Variants in SLC10A1 observed in about 807,000 individuals in gnomAD.
The protein encoded by SLC10A1 is hepatic sodium/bile acid cotransporter.
SLC10A1 carries 36 observed loss-of-function variants against 20.5 expected under a neutral mutation model. That is an observed-to-expected ratio of 1.75 (90% CI 1.34 to 2.32). The LOEUF (loss-of-function observed/expected upper bound fraction) is 2.32, where lower values mean the gene tolerates loss of function less well. Ranked by LOEUF, SLC10A1 falls within the 30% of genes most tolerant of loss-of-function variation. The pLI, the probability that SLC10A1 is intolerant of heterozygous loss-of-function variation, is 0.00. For missense variants in SLC10A1, 545 were observed against 439.1 expected (o/e 1.24, Z -2.16); for synonymous variants, 188 against 163.6 (o/e 1.15, Z -1.14).
intron 2 of SLC10A1, among the ~76,000 whole-genome samples, chr14:69,779,719 A>G (rs1210951812): frequency 6.6e-6 from 1 of 152,108 alleles, no homozygotes; most frequent in African/African-American, 2.4e-5. Flanking sequence ...GCTGATTAAC[A>G]CTTTGATTAT....
rs147401668 is a variant in SLC10A1 at position 69,796,863 on chromosome 14, C to G, written c.293G>C (p.Cys98Ser). The change falls in exon 1 of 5, where the codon TGC (cysteine) becomes TCC (serine). Residue 98 changes from cysteine to serine, a missense_variant. By Grantham distance (112) the Cys-to-Ser change is moderately radical. Transcript: ENST00000216540. The part of the protein sequence containing the change: ...IEALAILVCG[C>S]SPGGNLSNVF... ...ATTGGACAGGTTCCCTCCAGGTGAGCAGCCACAGACCAAGATGGCCAGTGC... is the reference window on the plus strand; with the variant it reads ...ATTGGACAGGTTCCCTCCAGGTGAGGAGCCACAGACCAAGATGGCCAGTGC... 5.4e-5 allele frequency: 87 copies of G among 1,614,106 alleles called. No individual in the cohort carries two copies. Among genetic ancestry groups the G allele is most frequent in the Non-Finnish European group, 7.2e-5 (85 of 1,180,046 alleles).
intron 1 of SLC10A1, among the ~76,000 whole-genome samples, chr14:69,787,060 T>TA (rs1883734405): frequency 6.6e-6 from 1 of 152,260 alleles, no homozygotes; most frequent in Admixed American, 6.5e-5. Flanking sequence ...CAGTAATAGA[T>TA]ACCCATGTTG....
chr14:69,782,689 TC>T (rs1883621989), intron 2 of SLC10A1, among the ~76,000 whole-genome samples: 1 of 151,846 alleles, frequency 6.6e-6, no homozygotes, highest in South Asian at 2.1e-4. Context: ...GCGCCTGTAG[TC>T]CCAGCTACTC....
intron 1 of SLC10A1, among the ~76,000 whole-genome samples, chr14:69,794,728 A>G (rs770979224): frequency 4.2e-4 from 64 of 152,216 alleles, no homozygotes; most frequent in Non-Finnish European, 7.8e-4. Flanking sequence ...TTTGTTGGGA[A>G]GGAGTTTTAT....
At position 69,786,321 on chromosome 14, in the gene SLC10A1, T is replaced by C; in HGVS notation, c.357-14A>G. On this transcript the variant is annotated splice_polypyrimidine_tract_variant and intron_variant, in intron 1 of 4. Transcript: ENST00000216540. Reference sequence around the variant, plus strand: ...GTCATCACAATGCTGGTGGGAGACATGGGAAGAGGGGAGAGAGAGAGAGCC... The same window carrying C: ...GTCATCACAATGCTGGTGGGAGACACGGGAAGAGGGGAGAGAGAGAGAGCC... 6.2e-7 allele frequency: 1 copy of C among 1,609,624 alleles called. No individual in the cohort carries two copies. Among genetic ancestry groups the C allele is most frequent in the East Asian group, 2.2e-5 (1 of 44,850 alleles).
chr14:69,785,135 C>T (rs1319268110), intron 2 of SLC10A1, among the ~76,000 whole-genome samples: 6 of 151,764 alleles, frequency 4.0e-5, no homozygotes, highest in Admixed American at 3.9e-4. Flanking sequence ...ACCTCCTGGC[C>T]CTGGGGGATG....
chr14:69,794,198 T>C (rs1182950408), intron 1 of SLC10A1, among the ~76,000 whole-genome samples: 1 of 152,226 alleles, frequency 6.6e-6, no homozygotes, highest in African/African-American at 2.4e-5. Context: ...CCCTTTGACA[T>C]GTATTGTTTG....
At chr14:69,795,975 A>C (rs1882379884) in intron 1 of SLC10A1, among the ~76,000 whole-genome samples, 1 of 152,218 alleles carries the variant, frequency 6.6e-6, no homozygotes, top group South Asian at 2.1e-4. Flanking sequence ...CTTTAGCTTC[A>C]GCACAGGCTG....
In SLC10A1 at chr14:69,776,267, C is replaced by A. The variant is rs753457466; in HGVS notation, c.*15G>T. On this transcript the variant is annotated 3_prime_UTR_variant, in exon 5 of 5. Transcript: ENST00000216540. ...AATTGCTTTGGGACCAGAATCCAGG[C>A]CACCAGGGGAAGGGCTAGGCTGTGC... The A allele has an allele frequency of 6.2e-7, 1 of 1,600,512 alleles. No individual in the cohort carries two copies. Among genetic ancestry groups the A allele is most frequent in the South Asian group, 1.1e-5 (1 of 90,344 alleles).
intron 4 of SLC10A1, among the ~76,000 whole-genome samples, chr14:69,776,606 T>TA (rs1883454331): frequency 6.6e-6 from 1 of 152,210 alleles, no homozygotes; most frequent in African/African-American, 2.4e-5. Context: ...CCTAATGAAT[T>TA]AGACTATTGT....
chr14:69,775,984 T>G lies in SLC10A1; in HGVS notation c.*298A>C. The G allele has an allele frequency of 5.7e-6, 2 of 351,642 alleles. No homozygotes were observed. The highest frequency in any genetic ancestry group is 1.0e-5 in the Non-Finnish European group (2 of 192,706). 21.8% of individuals were successfully genotyped at this position (351,642 alleles called of 1,614,324 possible). A position where few individuals can be genotyped will look rare whatever the true frequency, so the allele number is the denominator to read the frequency against. On this transcript the variant is annotated 3_prime_UTR_variant, in exon 5 of 5. Transcript: ENST00000216540. ...CAGGAATTGAGTGACTTTAAGATGC[T>G]TATCAGACACTTTTAGAGATCCCAG... is the stretch of plus-strand genomic sequence containing the variant.
At chr14:69,785,383 A>G (rs72725740) in intron 2 of SLC10A1, among the ~76,000 whole-genome samples, 11,354 of 152,148 alleles carry the variant, frequency 0.075, 604 homozygotes, top group East Asian at 0.16. Context: ...TTCTTGCCAC[A>G]TCAGCCAAAT....
At chr14:69,787,230 C>T (rs893762602) in intron 1 of SLC10A1, among the ~76,000 whole-genome samples, 4 of 152,142 alleles carry the variant, frequency 2.6e-5, no homozygotes, top group African/African-American at 9.7e-5. Context: ...CCTTCCAGCT[C>T]TAATATGTAT....
At chr14:69,780,579 T>A (rs1883567711) in intron 2 of SLC10A1, among the ~76,000 whole-genome samples, 1 of 152,258 alleles carries the variant, frequency 6.6e-6, no homozygotes, top group Non-Finnish European at 1.5e-5. Flanking sequence ...CATAATGTCC[T>A]AACGACATTT....
chr14:69,797,064 A>G lies in SLC10A1; in HGVS notation c.92T>C (p.Leu31Pro), dbSNP rs1216945102. Residue 31 changes from leucine (L) to proline (P), a missense_variant, in exon 1 of 5, where the codon CTG (leucine) becomes CCG (proline). Leu to Pro is a moderately conservative substitution (Grantham distance 98, BLOSUM62 -3). Transcript: ENST00000216540. ...CATGATGAAGAACAACATGAACACC[A>G]GGATGACGCTCAGTGCCAGGTCTGT... ...RPTDLALSVILVFMLFFIMLS... is the reference protein window; with the variant it reads ...RPTDLALSVIPVFMLFFIMLS... 1 of 1,614,036 alleles carries G rather than the reference A, an allele frequency of 6.2e-7. No homozygotes were observed. The highest frequency in any genetic ancestry group is 1.3e-5 in the African/African-American group (1 of 74,932).
intron 3 of SLC10A1, 24 bp downstream of exon 3, chr14:69,779,155 TTTC>T (rs1883523717): frequency 3.9e-6 from 6 of 1,547,602 alleles, no homozygotes; most frequent in Non-Finnish European, 4.4e-6. Flanking sequence ...AGTGAGACCC[TTTC>T]TTAAAAAAAA....
Position 69,787,880 on chromosome 14 carries a change from GAACA to G in SLC10A1, c.357-1577_357-1574del, listed in dbSNP as rs915290753. The stretch of plus-strand genomic sequence containing the variant: ...CCCCTGTCTCTACACACAAACAAAT[GAACA>G]AACAAACCAAAAACCACACACAAAA... On this transcript the variant is annotated intron_variant, in intron 1 of 4. Transcript: ENST00000216540. Among the ~76,000 whole-genome samples, 356 of 152,140 alleles carry G rather than the reference GAACA, an allele frequency of 2.3e-3. 1 individual carries two copies. Among genetic ancestry groups the G allele is most frequent in the African/African-American group, 7.4e-3 (309 of 41,510 alleles).
intron 1 of SLC10A1, among the ~76,000 whole-genome samples, chr14:69,794,828 G>C (rs1882354597): frequency 1.3e-5 from 2 of 152,168 alleles, no homozygotes; most frequent in African/African-American, 4.8e-5. Flanking sequence ...AGGAGGTTGA[G>C]CAGGAGAGCA....
intron 4 of SLC10A1, among the ~76,000 whole-genome samples, chr14:69,776,833 A>T (rs1172199218): frequency 6.6e-6 from 1 of 152,182 alleles, no homozygotes; most frequent in Non-Finnish European, 1.5e-5. Flanking sequence ...AAATTTGAAG[A>T]TAGCTTTGAT....
Sources: gnomAD v4.1 joint callset for allele counts (sites outside exome capture counted in the v4.1 genomes callset) on GRCh38, gnomAD v4.1.1 for gene constraint, MANE v1.5 for transcripts, NCBI Gene and HGNC (gene_info 2026-07-23, HGNC 2026-07-21) for gene names.